SATL1: variants seen among roughly 807,000 people sequenced by gnomAD.
The protein encoded by SATL1 is spermidine/spermine N(1)-acetyltransferase-like protein 1.
SATL1 carries 47 observed loss-of-function variants against 51.8 expected under a neutral mutation model. The observed-to-expected ratio is 0.91, with a 90% confidence interval of 0.72 to 1.16. SATL1 has a LOEUF of 1.16. Among genes scored for constraint, SATL1 ranks in the 50% most tolerant of loss-of-function variants. The pLI is 0.00. For synonymous variants in SATL1, 176 were observed against 182.4 expected, an observed-to-expected ratio of 0.97 and a Z score of 0.28; for missense variants, 520 against 526.4, an observed-to-expected ratio of 0.99 and a Z score of 0.12.
intron 2 of SATL1, among the ~76,000 whole-genome samples, chrX:85,161,796 C>G (rs190699149): frequency 3.6e-5 from 4 of 111,428 alleles, no homozygotes; most frequent in African/African-American, 1.3e-4. Flanking sequence ...CTGAATTCAG[C>G]ACTGGACCAA....
rs181780390 is a variant in SATL1 at position 85,100,184 on chromosome X, A to T, written c.1693+3680T>A. ...TCGTGCCAATGCACAACAGAGCAAG[A>T]CTCTGTCTCAAAACAAAACAAAACG... is the stretch of plus-strand genomic sequence containing the variant. On this transcript the variant is annotated intron_variant, in intron 4 of 7. Coordinates refer to ENST00000644105, the MANE Select transcript of SATL1 (RefSeq NM_001367857.2). Among the ~76,000 whole-genome samples, 17 of 107,765 alleles carry T rather than the reference A, an allele frequency of 1.6e-4. No individual in the cohort carries two copies. The East Asian group carries it at 4.1e-3, about 26-fold the overall frequency. The allele number at this position is 107,765 out of a possible 115,157, so 93.6% of individuals were successfully genotyped here.
intron 2 of SATL1, among the ~76,000 whole-genome samples, chrX:85,158,359 G>A (rs1249183927): frequency 8.9e-6 from 1 of 111,779 alleles, no homozygotes; most frequent in East Asian, 2.8e-4. Context: ...AGCTTTCAAA[G>A]TTGTTACAAT....
chrX:85,096,701 A>T (rs1261180723), intron 4 of SATL1, among the ~76,000 whole-genome samples: 3 of 110,924 alleles, frequency 2.7e-5, no homozygotes, highest in Non-Finnish European at 5.7e-5. Flanking sequence ...CTGCTTTCCC[A>T]TCAGAAACCT....
At chrX:85,192,880 A>G (rs1193948572) in intron 2 of SATL1, among the ~76,000 whole-genome samples, 2 of 111,949 alleles carry the variant, frequency 1.8e-5, no homozygotes, top group Non-Finnish European at 3.8e-5. Flanking sequence ...TGAATTACAG[A>G]TAATATACTA....
At chrX:85,189,459 G>A (rs1343512113) in intron 2 of SATL1, among the ~76,000 whole-genome samples, 1 of 111,996 alleles carries the variant, frequency 8.9e-6, no homozygotes, top group Non-Finnish European at 1.9e-5. Context: ...TGAATTCTGG[G>A]TATGTGTGGA....
Position 85,108,286 on chromosome X carries a change from A to G in SATL1, c.683T>C (p.Ile228Thr). The G allele has an allele frequency of 8.3e-7, 1 of 1,210,324 alleles. No homozygotes were observed. The highest frequency in any genetic ancestry group is 1.1e-6 in the Non-Finnish European group (1 of 895,133). The change falls in exon 3 of 8, where the codon ATA (isoleucine) becomes ACA (threonine). Residue 228 changes from isoleucine to threonine, a missense_variant. Ile to Thr is a moderately conservative substitution (Grantham distance 89). This residue lies in a region of SATL1 where 488 missense variants were observed against 474.3 expected (regional missense o/e 1.03). Coordinates refer to ENST00000644105, the MANE Select transcript of SATL1 (RefSeq NM_001367857.2). ...TGATTGGCTAGTGTCTGGTTGCCTT[A>G]TGCCTGGTTGGCTGGGGACTTGCTG... is the stretch of plus-strand genomic sequence containing the variant. ...MSQQVPSQPG[I>T]RQPDTSQSCK...
At chrX:85,173,406 T>A (rs12556715) in intron 2 of SATL1, among the ~76,000 whole-genome samples, 26,394 of 110,757 alleles carry the variant, frequency 0.24, 3,277 homozygotes, top group African/African-American at 0.48. Flanking sequence ...AAATTATAGA[T>A]ATACATTTAC....
chrX:85,120,017 A>G (rs1003032686), intron 2 of SATL1, among the ~76,000 whole-genome samples: 1 of 112,211 alleles, frequency 8.9e-6, no homozygotes. Flanking sequence ...AGTCTTAATT[A>G]TGAAGAACTT....
chrX:85,165,340 C>A (rs1294083198), intron 2 of SATL1, among the ~76,000 whole-genome samples: 3 of 111,121 alleles, frequency 2.7e-5, no homozygotes, highest in African/African-American at 6.5e-5. Context: ...ATTGTTGGAA[C>A]TTTCCAGTTA....
At chrX:85,139,632 C>G (rs768348168) in intron 2 of SATL1, among the ~76,000 whole-genome samples, 7 of 111,539 alleles carry the variant, frequency 6.3e-5, no homozygotes, top group Non-Finnish European at 3.8e-5. Context: ...GAGAGGAACA[C>G]AAGCTTAGTT....
intron 2 of SATL1, among the ~76,000 whole-genome samples, chrX:85,180,517 T>A (rs1927178288): frequency 8.9e-6 from 1 of 111,855 alleles, no homozygotes; most frequent in Non-Finnish European, 1.9e-5. Context: ...ACATATTGTT[T>A]ATATTGTGTT....
intron 2 of SATL1, among the ~76,000 whole-genome samples, chrX:85,191,113 T>TATA (rs200953292): frequency 8.3e-5 from 9 of 108,822 alleles, no homozygotes; most frequent in Non-Finnish European, 1.3e-4. Context: ...GAACTTAAAG[T>TATA]ATAATAATAA....
intron 2 of SATL1, among the ~76,000 whole-genome samples, chrX:85,131,976 C>T (rs1925818816): frequency 9.0e-6 from 1 of 111,442 alleles, no homozygotes; most frequent in African/African-American, 3.3e-5. Flanking sequence ...GAATACTGGC[C>T]CCCAGTCTCT....
At chrX:85,227,606 T>C (rs1311761261) in intron 1 of SATL1, among the ~76,000 whole-genome samples, 1 of 92,266 alleles carries the variant, frequency 1.1e-5, no homozygotes, top group Non-Finnish European at 2.4e-5. Context: ...CAGAAGAACA[T>C]GTTGAAAGTC....
chrX:85,210,747 G>A (rs191871002), intron 2 of SATL1: 5 of 111,683 alleles, frequency 4.5e-5, no homozygotes, highest in Admixed American at 1.9e-4. Context: ...CACATGTGAA[G>A]CTTTCTTGCC....
intron 1 of SATL1, among the ~76,000 whole-genome samples, chrX:85,230,594 C>T (rs1292720090): frequency 1.8e-5 from 2 of 112,038 alleles, no homozygotes; most frequent in African/African-American, 6.5e-5. Flanking sequence ...AAAGCTTCTA[C>T]ACAGCAAAGG....
chrX:85,118,663 A>G (rs1174586095), intron 2 of SATL1, among the ~76,000 whole-genome samples: 1 of 111,949 alleles, frequency 8.9e-6, no homozygotes. Context: ...CTTTTTAAAT[A>G]CATAGAATGA....
chrX:85,141,312 G>C (rs995754171), intron 2 of SATL1, among the ~76,000 whole-genome samples: 8 of 111,764 alleles, frequency 7.2e-5, no homozygotes, highest in African/African-American at 2.6e-4. Context: ...GTGTTTATTG[G>C]GCAATATGTT....
At position 85,227,756 on chromosome X, in the gene SATL1, C is replaced by T. The variant is rs189744226; in HGVS notation, c.-434-3430G>A. ...AAAGTGACATAAGAGACACATCAAT[C>T]AATCACAATACATGGTCTTTATGTG... On this transcript the variant is annotated intron_variant, in intron 1 of 7. Transcript: ENST00000644105. Among the ~76,000 whole-genome samples, 676 of 111,584 alleles carry T rather than the reference C, an allele frequency of 6.1e-3. 3 individuals carry two copies. The highest frequency in any genetic ancestry group is 0.02 in the African/African-American group (627 of 30,753).
Sources: gnomAD v4.1 joint callset for allele counts (sites outside exome capture counted in the v4.1 genomes callset) on GRCh38, gnomAD v4.1.1 for gene constraint, gnomAD v4.1.1 regional missense constraint, MANE v1.5 for transcripts, NCBI Gene and HGNC (gene_info 2026-07-23, HGNC 2026-07-21) for gene names.